The following CEBPZ variants were observed in gnomAD, a reference collection of about 807,000 sequenced individuals.
CEBPZ encodes CCAAT enhancer binding protein zeta, also known as CCAAT/enhancer-binding protein zeta.
In CEBPZ, 78 loss-of-function variants were observed where a neutral mutation model predicts 104.5. The ratio of observed to expected loss-of-function variants is 0.75; its 90% confidence interval spans 0.62 to 0.90. The LOEUF is 0.90. CEBPZ is among the 40% of genes least tolerant of loss of function. CEBPZ has a pLI of 0.00. For synonymous variants in CEBPZ, 470 were observed against 427.0 expected (o/e 1.10, Z -1.24); for missense variants, 1,439 against 1,233.5 (o/e 1.17, Z -2.50).
intron 10 of CEBPZ, among the ~76,000 whole-genome samples, chr2:37,212,868 A>AAAAAAAAAAAC (rs1558471409): frequency 3.0e-5 from 3 of 99,848 alleles, no homozygotes; most frequent in Non-Finnish European, 6.4e-5. Flanking sequence ...CAACAACAAC[A>AAAAAAAAAAAC]AAAAAAAAAA....
chr2:37,206,109 G>T (rs777524510), intron 13 of CEBPZ, among the ~76,000 whole-genome samples: 1 of 152,196 alleles, frequency 6.6e-6, no homozygotes. Flanking sequence ...TGGGGCCCTG[G>T]AGAGAACAAA....
rs531824074 is a variant in CEBPZ at position 37,227,618 on chromosome 2, C to G, written c.1575G>C (p.Gln525His). 6.2e-7 allele frequency: 1 copy of G among 1,614,062 alleles called. No individual in the cohort carries two copies. The highest frequency in any genetic ancestry group is 1.1e-5 in the South Asian group (1 of 91,050). ...TTACTTGGAAAAGCAACATTAAAGC[C>G]TGGACACTGGTATTAAAATTCACAA... ...LHIVNFNTSVQALMLLFQVMN... is the reference protein window; with the variant it reads ...LHIVNFNTSVHALMLLFQVMN... The change falls in exon 2 of 16, where the codon CAG becomes CAC. Residue 525 changes from glutamine (Q) to histidine (H), a missense_variant. Gln to His is a conservative substitution (Grantham distance 24). Coordinates refer to ENST00000234170, the MANE Select transcript of CEBPZ (RefSeq NM_005760.3).
intron 8 of CEBPZ, among the ~76,000 whole-genome samples, chr2:37,215,753 G>C (rs879479431): frequency 3.3e-5 from 5 of 152,080 alleles, no homozygotes; most frequent in Non-Finnish European, 5.9e-5. Flanking sequence ...GTGGGTTTTT[G>C]TGCTGCTAAG....
At position 37,201,910 on chromosome 2, in the gene CEBPZ, GAGA is replaced by G. The variant is rs748093993; in HGVS notation, c.3026-10_3026-8del. On this transcript the variant is annotated splice_region_variant and splice_polypyrimidine_tract_variant and intron_variant, in intron 15 of 15. Coordinates refer to ENST00000234170, the MANE Select transcript of CEBPZ (RefSeq NM_005760.3). ...CATCTAAGCTGTTTGAGACCTTTGA[GAGA>G]AGAAGAAAAGATGAGTGTACTACCA... 3.4e-5 allele frequency: 55 copies of G among 1,611,120 alleles called. No individual in the cohort carries two copies. The highest frequency in any genetic ancestry group is 3.3e-4 in the Middle Eastern group (2 of 6,036).
Position 37,228,625 on chromosome 2 carries a change from T to C in CEBPZ, c.568A>G (p.Asn190Asp), listed in dbSNP as rs1418418656. Residue 190 changes from asparagine (N) to aspartate (D), a missense_variant, in exon 2 of 16, where the codon AAT becomes GAT. By Grantham distance (23) the Asn-to-Asp change is conservative. Transcript: ENST00000234170. The stretch of plus-strand genomic sequence containing the variant: ...GGCTGGGGTTTCAAAGAATATTCAT[T>C]GCTGTACTCCAGATCATACCATTTG... Reference protein sequence around the residue: ...GGKWYDLEYSNEYSLKPQPQD... With the variant: ...GGKWYDLEYSDEYSLKPQPQD... The C allele has an allele frequency of 6.2e-7, 1 of 1,614,218 alleles. No homozygotes were observed. The highest frequency in any genetic ancestry group is 8.5e-7 in the Non-Finnish European group (1 of 1,180,044).
chr2:37,211,986 G>T lies in CEBPZ; in HGVS notation c.2657C>A (p.Ser886Ter). ...ACCAAGTTCATCATCACTACCTTCT[G>T]AATCTTCATCTAATGTGTTATCCTT... Reference protein sequence around the residue: ...GAKDNTLDEDSEGSDDELGNL... With the variant: ...GAKDNTLDED The change falls in exon 12 of 16, where the codon TCA becomes TAA. Residue 886 changes from serine to a stop codon, truncating the protein, a stop_gained. Coordinates refer to ENST00000234170, the MANE Select transcript of CEBPZ (RefSeq NM_005760.3). LOFTEE classifies it high-confidence loss of function. 6.2e-7 allele frequency: 1 copy of T among 1,612,242 alleles called. No homozygotes were observed. Among genetic ancestry groups the T allele is most frequent in the Non-Finnish European group, 8.5e-7 (1 of 1,179,490 alleles).
At position 37,227,629 on chromosome 2, in the gene CEBPZ, T is replaced by C; in HGVS notation, c.1564A>G (p.Thr522Ala). Residue 522 changes from threonine to alanine, a missense_variant, in exon 2 of 16, where the codon ACC becomes GCC. Transcript: ENST00000234170. ...FKVLHIVNFN[T>A]SVQALMLLFQ... is the part of the protein sequence containing the mutation. ...AGCAACATTAAAGCCTGGACACTGG[T>C]ATTAAAATTCACAATATGCAACACT... 2 of 1,614,150 alleles carry C rather than the reference T, an allele frequency of 1.2e-6. No individual in the cohort carries two copies. The highest frequency in any genetic ancestry group is 1.1e-5 in the South Asian group (1 of 91,056).
In CEBPZ at chr2:37,215,120, C is replaced by T. The variant is rs574418950; in HGVS notation, c.2381-168G>A. Among the ~76,000 whole-genome samples the T allele has an allele frequency of 4.6e-5, 7 of 152,210 alleles. No homozygotes were observed. In the South Asian group the frequency reaches 1.5e-3, roughly 32 times the overall value. On this transcript the variant is annotated intron_variant, in intron 8 of 15. Coordinates refer to ENST00000234170, the MANE Select transcript of CEBPZ (RefSeq NM_005760.3). ...TGCAAGGGACAATCTCTGAAAAAGT[C>T]TGTGTGAAGACCCCCCCAACATTTG...
At position 37,223,386 on chromosome 2, in the gene CEBPZ, T is replaced by C; in HGVS notation, c.1665A>G (p.Pro555=). ...CTTGCTTGGAACACGTCATCAACCC[T>C]GGATCCAACATCTTCCTGCAAAACA... ...YTALYRKMLD[P]GLMTCSKQAM... is the part of the protein sequence containing the mutation. The change falls in exon 3 of 16, where the codon CCA becomes CCG. Residue 555 remains proline, a synonymous_variant. Transcript: ENST00000234170. The C allele has an allele frequency of 1.9e-6, 3 of 1,613,950 alleles. No individual in the cohort carries two copies. The highest frequency in any genetic ancestry group is 2.5e-6 in the Non-Finnish European group (3 of 1,179,880).
At chr2:37,220,569 T>C (rs1664748460) in intron 4 of CEBPZ, 96 bp from the exon 5 acceptor site, 4 of 505,600 alleles carry the variant, frequency 7.9e-6, no homozygotes, top group Non-Finnish European at 1.4e-5. Context: ...AACAGATATC[T>C]CCAACATTCT....
At chr2:37,202,149 C>T (rs1677278554) in intron 15 of CEBPZ, 1 of 282,012 alleles carries the variant, frequency 3.5e-6, no homozygotes, top group African/African-American at 2.2e-5. Flanking sequence ...TCTCCCCAAG[C>T]ACTTTTACTG....
intron 4 of CEBPZ, 145 bp downstream of exon 4, chr2:37,222,235 G>T: frequency 1.6e-6 from 1 of 612,362 alleles, no homozygotes; most frequent in Non-Finnish European, 2.5e-6. Flanking sequence ...AGTGAGCCGA[G>T]ATCACGCCTC....
rs770794371 is a variant in CEBPZ, at chr2:37,228,343, T to C, written c.850A>G (p.Met284Val). The C allele has an allele frequency of 6.2e-7, 1 of 1,614,214 alleles. No homozygotes were observed. Reference sequence around the variant, plus strand: ...AACTCTTTGAAAGTATCCAAGGCCATAAGGCACTGCTGTTTGCTGCCCTTC... The same window carrying C: ...AACTCTTTGAAAGTATCCAAGGCCACAAGGCACTGCTGTTTGCTGCCCTTC... Reference protein sequence around the residue: ...KKKGSKQQCLMALDTFKELLI... With the variant: ...KKKGSKQQCLVALDTFKELLI... The change falls in exon 2 of 16, where the codon ATG becomes GTG. Residue 284 changes from methionine to valine, a missense_variant. By Grantham distance (21) the Met-to-Val change is conservative. Coordinates refer to ENST00000234170, the MANE Select transcript of CEBPZ (RefSeq NM_005760.3).
intron 13 of CEBPZ, 128 bp from the exon 14 acceptor site, chr2:37,203,136 A>G (rs1053715987): frequency 3.5e-6 from 2 of 567,126 alleles, no homozygotes; most frequent in Non-Finnish European, 6.0e-6. Context: ...TTCTGGCACC[A>G]TTGGGTAGCT....
chr2:37,208,326 C>T (rs764854411), intron 13 of CEBPZ, among the ~76,000 whole-genome samples: 2 of 151,970 alleles, frequency 1.3e-5, no homozygotes, highest in Non-Finnish European at 2.9e-5. Flanking sequence ...ATTCCAAAAT[C>T]AGGAAATGAC....
chr2:37,223,929 A>G (rs1664825165), intron 2 of CEBPZ, among the ~76,000 whole-genome samples: 1 of 152,120 alleles, frequency 6.6e-6, no homozygotes, highest in African/African-American at 2.4e-5. Context: ...GCTGTGTAAC[A>G]TTCCTCTCAT....
intron 9 of CEBPZ, among the ~76,000 whole-genome samples, 180 bp from the exon 10 acceptor site, chr2:37,214,141 T>C (rs1677808697): frequency 6.6e-6 from 1 of 152,218 alleles, no homozygotes; most frequent in Non-Finnish European, 1.5e-5. Context: ...CAATAAAAAG[T>C]AGCTGGAATC....
At chr2:37,202,190 T>A (rs1677280669) in intron 15 of CEBPZ, 17 of 200,778 alleles carry the variant, frequency 8.5e-5, no homozygotes, top group Admixed American at 1.2e-4. Context: ...AATCAATATG[T>A]AAAAACGGCC....
chr2:37,223,581 A>G (rs892824103), intron 2 of CEBPZ, among the ~76,000 whole-genome samples, 180 bp from the exon 3 acceptor site: 1 of 152,226 alleles, frequency 6.6e-6, no homozygotes, highest in African/African-American at 2.4e-5. Context: ...AAGGATGATG[A>G]TGGCACCAGG....
Sources: allele counts gnomAD v4.1 joint callset (sites outside exome capture counted in the v4.1 genomes callset), GRCh38; gene constraint gnomAD v4.1.1; transcripts MANE v1.5; gene names NCBI Gene and HGNC (gene_info 2026-07-23, HGNC 2026-07-21).